Variants in GTF2A2 observed in about 807,000 individuals in gnomAD.
The protein encoded by GTF2A2 is general transcription factor IIA subunit 2.
A neutral mutation model predicts 14.3 loss-of-function variants in GTF2A2; 9 were observed. The observed-to-expected ratio is 0.63, with a 90% CI of 0.38 to 1.10. The LOEUF is 1.10. Among genes scored for constraint, GTF2A2 ranks in the 50% least tolerant of loss-of-function variants. GTF2A2 has a pLI of 0.01. For synonymous variants in GTF2A2, 56 were observed against 46.0 expected, an observed-to-expected ratio of 1.22 and a Z score of -0.88; for missense variants, 90 against 124.6, an observed-to-expected ratio of 0.72 and a Z score of 1.32.
intron 3 of GTF2A2, among the ~76,000 whole-genome samples, chr15:59,642,812 G>A (rs554671723): frequency 8.5e-5 from 13 of 152,156 alleles, no homozygotes; most frequent in Non-Finnish European, 1.3e-4. Flanking sequence ...CTGTTGCCAC[G>A]CTGGAGTGCA....
intron 1 of GTF2A2, among the ~76,000 whole-genome samples, chr15:59,654,393 TCTC>T (rs1239507325): frequency 2.0e-5 from 3 of 152,184 alleles, no homozygotes; most frequent in Non-Finnish European, 4.4e-5. Flanking sequence ...TAGTTCACTC[TCTC>T]ATTTGATTCA....
chr15:59,641,887 T>TATTA (rs1419338387), intron 4 of GTF2A2, among the ~76,000 whole-genome samples: 2 of 152,176 alleles, frequency 1.3e-5, no homozygotes, highest in Non-Finnish European at 2.9e-5. Context: ...AACAAATGCT[T>TATTA]ATTAATTTGC....
chr15:59,652,005 T>C (rs1891808309), intron 2 of GTF2A2: 3 of 477,554 alleles, frequency 6.3e-6, no homozygotes, highest in African/African-American at 4.1e-5. Context: ...TATTTAATGA[T>C]ATCATTCAAT....
At chr15:59,642,096 G>C in intron 4 of GTF2A2, 40 bp downstream of exon 4, 1 of 1,551,902 alleles carries the variant, frequency 6.4e-7, no homozygotes, top group Non-Finnish European at 8.7e-7. Context: ...ATAAAAACAA[G>C]GTTTCAAGTA....
At chr15:59,646,194 C>A (rs913334461) in intron 3 of GTF2A2, among the ~76,000 whole-genome samples, 5 of 152,008 alleles carry the variant, frequency 3.3e-5, no homozygotes, top group Admixed American at 3.3e-4. Context: ...ATAGCTGGGA[C>A]TACAGGAATG....
intron 1 of GTF2A2, among the ~76,000 whole-genome samples, chr15:59,655,540 C>T (rs1298765707): frequency 3.9e-5 from 6 of 152,216 alleles, no homozygotes; most frequent in African/African-American, 1.2e-4. Context: ...ACAAGTTCAT[C>T]CTTCTTAATA....
intron 3 of GTF2A2, among the ~76,000 whole-genome samples, chr15:59,648,269 G>A (rs892796813): frequency 1.3e-5 from 2 of 151,782 alleles, no homozygotes; most frequent in Admixed American, 6.6e-5. Context: ...TTAGCTGGGC[G>A]TTGTGGCGTG....
chr15:59,644,531 C>A (rs536350282), intron 3 of GTF2A2, among the ~76,000 whole-genome samples: 1 of 152,194 alleles, frequency 6.6e-6, no homozygotes, highest in African/African-American at 2.4e-5. Context: ...CAGCTCCCTG[C>A]CACTGGTGAG....
At chr15:59,655,813 T>C (rs1315326957) in intron 1 of GTF2A2, among the ~76,000 whole-genome samples, 1 of 152,198 alleles carries the variant, frequency 6.6e-6, no homozygotes, top group Non-Finnish European at 1.5e-5. Context: ...GGGCAAAACC[T>C]TTGATTTCAT....
chr15:59,654,878 G>A (rs1327777766), intron 1 of GTF2A2, among the ~76,000 whole-genome samples: 1 of 152,140 alleles, frequency 6.6e-6, no homozygotes. Context: ...CTTAGTGATT[G>A]AGTACCCCAA....
chr15:59,655,241 C>G (rs1891908346), intron 1 of GTF2A2, among the ~76,000 whole-genome samples: 1 of 152,196 alleles, frequency 6.6e-6, no homozygotes, highest in Admixed American at 6.5e-5. Flanking sequence ...CCCCTCAACC[C>G]AAATCCCCTG....
In GTF2A2 at chr15:59,638,867, C is replaced by CA; in HGVS notation, c.*264dup. On this transcript the variant is annotated 3_prime_UTR_variant, in exon 5 of 5. Coordinates refer to ENST00000396060, the MANE Select transcript of GTF2A2 (RefSeq NM_004492.3). Reference sequence around the variant, plus strand: ...CTTAATAGCTTCACCAGTTATTACTCAGAGTTTTAAAATGAGTTTATTAAA... The same window carrying CA: ...CTTAATAGCTTCACCAGTTATTACTCAAGAGTTTTAAAATGAGTTTATTAAA... 1 of 371,978 alleles carries CA rather than the reference C, an allele frequency of 2.7e-6. No individual in the cohort carries two copies. Among genetic ancestry groups the CA allele is most frequent in the Non-Finnish European group, 4.9e-6 (1 of 204,836 alleles). The allele number at this position is 371,978 out of a possible 1,614,324, so 23.0% of individuals were successfully genotyped here.
chr15:59,641,322 C>CT (rs1439269370), intron 4 of GTF2A2, among the ~76,000 whole-genome samples: 7 of 151,660 alleles, frequency 4.6e-5, no homozygotes, highest in African/African-American at 7.3e-5. Context: ...CTTCCATGTG[C>CT]TTTTTTGTAT....
At position 59,655,923 on chromosome 15, in the gene GTF2A2, C is replaced by T. The variant is rs145575277; in HGVS notation, c.-50+1483G>A. 2.5e-3 allele frequency among the ~76,000 whole-genome samples: 375 copies of T among 152,258 alleles called. 1 individual carries two copies. Among genetic ancestry groups the T allele is most frequent in the Non-Finnish European group, 3.9e-3 (263 of 68,016 alleles). On this transcript the variant is annotated intron_variant, in intron 1 of 4. Coordinates refer to ENST00000396060, the MANE Select transcript of GTF2A2 (RefSeq NM_004492.3). ...CAGAATCCAACCACTTCTCACCATCCCTACGGTTATCACCCTGACCTGGGC... is the reference window on the plus strand; with the variant it reads ...CAGAATCCAACCACTTCTCACCATCTCTACGGTTATCACCCTGACCTGGGC...
intron 3 of GTF2A2, among the ~76,000 whole-genome samples, chr15:59,648,850 C>T (rs1209611466): frequency 2.0e-5 from 3 of 152,036 alleles, no homozygotes; most frequent in East Asian, 1.9e-4. Context: ...AGGAGAATGG[C>T]GTGAACCCGG....
intron 3 of GTF2A2, among the ~76,000 whole-genome samples, chr15:59,646,688 C>T (rs530738766): frequency 1.1e-4 from 16 of 152,168 alleles, no homozygotes; most frequent in African/African-American, 3.9e-4. Context: ...TAAAATGCTA[C>T]AAAACTTGAC....
Position 59,639,155 on chromosome 15 carries a change from T to G in GTF2A2, c.307A>C (p.Thr103Pro), listed in dbSNP as rs894214958. 3 of 1,455,408 alleles carry G rather than the reference T, an allele frequency of 2.1e-6. No homozygotes were observed. The highest frequency in any genetic ancestry group is 2.9e-6 in the Non-Finnish European group (3 of 1,039,106). The allele number at this position is 1,455,408 out of a possible 1,614,324, so 90.2% of individuals were successfully genotyped here. Residue 103 changes from threonine to proline, a missense_variant and splice_region_variant, in exon 5 of 5, where the codon ACT becomes CCT. Coordinates refer to ENST00000396060, the MANE Select transcript of GTF2A2 (RefSeq NM_004492.3). ...ATTCATTCTGTAGTATTGGAGCCAG[T>G]ATCTAGGAAACAAAAGAGAAAGTAA... ...VKIVACDGKNTGSNTTE is the reference protein window; with the variant it reads ...VKIVACDGKNPGSNTTE
At chr15:59,643,145 T>A (rs1173307768) in intron 3 of GTF2A2, among the ~76,000 whole-genome samples, 1 of 144,402 alleles carries the variant, frequency 6.9e-6, no homozygotes, top group African/African-American at 2.6e-5. Context: ...AGTGGTGAGA[T>A]CTTGGATCAC....
At chr15:59,642,103 A>G in intron 4 of GTF2A2, 33 bp downstream of exon 4, 1 of 1,573,816 alleles carries the variant, frequency 6.4e-7, no homozygotes, top group Non-Finnish European at 8.6e-7. Context: ...CAAGGTTTCA[A>G]GTAGCTTTCA....
Sources: allele counts gnomAD v4.1 joint callset (sites outside exome capture counted in the v4.1 genomes callset), GRCh38; gene constraint gnomAD v4.1.1; transcripts MANE v1.5; gene names NCBI Gene and HGNC (gene_info 2026-07-23, HGNC 2026-07-21).